Variants in COL4A6 observed in about 807,000 individuals in gnomAD.
The protein encoded by COL4A6 is collagen type IV alpha 6 chain.
In COL4A6, 59 loss-of-function variants were observed where a neutral mutation model predicts 126.7. That is an observed-to-expected ratio of 0.47 (90% CI 0.38 to 0.58). The LOEUF is 0.58. Among genes scored for constraint, COL4A6 ranks in the 20% least tolerant of loss-of-function variants. COL4A6 has a pLI of 0.00. For synonymous variants in COL4A6, 547 were observed against 496.6 expected (o/e 1.10, Z -1.35); for missense variants, 1,285 against 1,337.3 (o/e 0.96, Z 0.61).
intron 3 of COL4A6, among the ~76,000 whole-genome samples, chrX:108,260,973 T>C (rs2037144314): frequency 9.0e-6 from 1 of 110,896 alleles, no homozygotes; most frequent in African/African-American, 3.3e-5. Flanking sequence ...CTACAATATT[T>C]GACTGTATCC....
Position 108,289,909 on chromosome X carries a change from G to A in COL4A6, c.144+20839C>T, listed in dbSNP as rs56386745. On this transcript the variant is annotated intron_variant, in intron 3 of 44. Coordinates refer to ENST00000334504, the MANE Select transcript of COL4A6 (RefSeq NM_033641.4). Reference sequence around the variant, plus strand: ...GCACTGGTTTGCAGGAGCGAATCTCGTCAGTAGTTTGAAATCAGCCATGCT... The same window carrying A: ...GCACTGGTTTGCAGGAGCGAATCTCATCAGTAGTTTGAAATCAGCCATGCT... Among the ~76,000 whole-genome samples, 571 of 111,963 alleles carry A rather than the reference G, an allele frequency of 5.1e-3. 4 individuals carry two copies. The highest frequency in any genetic ancestry group is 0.016 in the South Asian group (43 of 2,632).
chrX:108,375,658 C>T (rs187175571), intron 2 of COL4A6, among the ~76,000 whole-genome samples: 6 of 109,810 alleles, frequency 5.5e-5, no homozygotes, highest in Admixed American at 4.9e-4. Flanking sequence ...CTCAACCATA[C>T]TCCAAACCCT....
chrX:108,273,604 G>T (rs2037517733), intron 3 of COL4A6, among the ~76,000 whole-genome samples: 1 of 112,312 alleles, frequency 8.9e-6, no homozygotes, highest in African/African-American at 3.2e-5. Flanking sequence ...ATGATAGACT[G>T]GATTAAGAAA....
chrX:108,375,678 CTTTTTTT>C (rs142100994), intron 2 of COL4A6, among the ~76,000 whole-genome samples: 1 of 95,293 alleles, frequency 1.0e-5, no homozygotes, highest in Non-Finnish European at 2.1e-5. Flanking sequence ...TAGGCTAAAT[CTTTTTTT>C]TTTTTTTTTT....
chrX:108,431,999 C>T lies in COL4A6; in HGVS notation c.63+5943G>A, dbSNP rs763961747. 2.7e-5 allele frequency among the ~76,000 whole-genome samples: 3 copies of T among 112,264 alleles called. No individual in the cohort carries two copies. The South Asian group carries it at 1.1e-3, about 42-fold the overall frequency. On this transcript the variant is annotated intron_variant, in intron 2 of 44. Coordinates refer to ENST00000334504, the MANE Select transcript of COL4A6 (RefSeq NM_033641.4). ...ATGAAGAGATGTCTTTTTGTACACCCGCATTTGTGAAAGATAAAATTTCTC... is the reference window on the plus strand; with the variant it reads ...ATGAAGAGATGTCTTTTTGTACACCTGCATTTGTGAAAGATAAAATTTCTC...
intron 2 of COL4A6, among the ~76,000 whole-genome samples, chrX:108,337,477 G>C (rs777880053): frequency 1.8e-5 from 2 of 112,972 alleles, no homozygotes; most frequent in Non-Finnish European, 3.8e-5. Flanking sequence ...TGTATTTTCA[G>C]TTTCTAACAA....
chrX:108,433,424 T>C (rs1186074329), intron 2 of COL4A6, among the ~76,000 whole-genome samples: 1 of 111,936 alleles, frequency 8.9e-6, no homozygotes, highest in Admixed American at 9.4e-5. Context: ...TATCCCACGA[T>C]GTTCTTTTTC....
intron 2 of COL4A6, among the ~76,000 whole-genome samples, chrX:108,414,915 C>A (rs1406093599): frequency 8.9e-6 from 1 of 112,113 alleles, no homozygotes; most frequent in African/African-American, 3.2e-5. Context: ...AGCTAGTCTA[C>A]ACTATAGTTA....
chrX:108,239,137 C>T (rs2036512062), intron 3 of COL4A6, among the ~76,000 whole-genome samples: 1 of 112,271 alleles, frequency 8.9e-6, no homozygotes. Flanking sequence ...AATACCTTCT[C>T]CCAGTCTATC....
chrX:108,312,143 G>A (rs749106222), intron 2 of COL4A6, among the ~76,000 whole-genome samples: 1 of 112,247 alleles, frequency 8.9e-6, no homozygotes, highest in African/African-American at 3.2e-5. Flanking sequence ...AATGTTGGAT[G>A]TTTTTTCCAA....
At chrX:108,203,625 A>G (rs1187251762) in intron 12 of COL4A6, among the ~76,000 whole-genome samples, 1 of 112,674 alleles carries the variant, frequency 8.9e-6, no homozygotes, top group Non-Finnish European at 1.9e-5. Flanking sequence ...GGCCATGGGA[A>G]CTGAATCACA....
intron 2 of COL4A6, among the ~76,000 whole-genome samples, chrX:108,425,452 G>A (rs1052517676): frequency 3.6e-5 from 4 of 110,306 alleles, no homozygotes; most frequent in African/African-American, 1.3e-4. Flanking sequence ...ATAGCTCTCA[G>A]GCCAGGCGTG....
chrX:108,343,163 A>AGTG (rs1417437971), intron 2 of COL4A6, among the ~76,000 whole-genome samples: 515 of 32,339 alleles, frequency 0.016, 1 homozygote, highest in African/African-American at 0.032. Flanking sequence ...ATATATATAT[A>AGTG]TAGTGTGTGT....
intron 2 of COL4A6, among the ~76,000 whole-genome samples, chrX:108,407,654 T>C (rs2041233145): frequency 8.9e-6 from 1 of 112,216 alleles, no homozygotes; most frequent in Non-Finnish European, 1.9e-5. Context: ...AATTATGTAC[T>C]ACAGGACCTA....
At chrX:108,261,221 A>G (rs1411588936) in intron 3 of COL4A6, among the ~76,000 whole-genome samples, 1 of 112,040 alleles carries the variant, frequency 8.9e-6, no homozygotes, top group Admixed American at 9.5e-5. Context: ...CAGCCACATT[A>G]GCCACATTTT....
chrX:108,371,574 TAAAAAA>T (rs35855359), intron 2 of COL4A6, among the ~76,000 whole-genome samples: 5 of 51,709 alleles, frequency 9.7e-5, no homozygotes, highest in Non-Finnish European at 2.0e-4. Flanking sequence ...TCTGTCTCTA[TAAAAAA>T]AAAAAAAAAA....
At chrX:108,424,155 A>T (rs1329787290) in intron 2 of COL4A6, among the ~76,000 whole-genome samples, 1 of 111,922 alleles carries the variant, frequency 8.9e-6, no homozygotes, top group African/African-American at 3.3e-5. Flanking sequence ...GCAGAAGTCC[A>T]GCCTGCTCAT....
chrX:108,368,575 A>G (rs751107171), intron 2 of COL4A6, among the ~76,000 whole-genome samples: 1 of 111,638 alleles, frequency 9.0e-6, no homozygotes, highest in East Asian at 2.8e-4. Context: ...TCTTTCTTCA[A>G]TAATAAGTTA....
chrX:108,242,052 C>A lies in COL4A6; in HGVS notation c.145-20678G>T, dbSNP rs1325630079. Among the ~76,000 whole-genome samples, 5 of 101,761 alleles carry A rather than the reference C, an allele frequency of 4.9e-5. No individual in the cohort carries two copies. In the East Asian group the frequency reaches 1.7e-3, roughly 34 times the overall value. The allele number at this position is 101,761 out of a possible 115,157, so 88.4% of individuals were successfully genotyped here. On this transcript the variant is annotated intron_variant, in intron 3 of 44. Coordinates refer to ENST00000334504, the MANE Select transcript of COL4A6 (RefSeq NM_033641.4). ...GTACATTGCCCAGGCTGGTCTCAAA[C>A]ACCTGGCCTCAAGTGATATTCCTGT...
Sources: allele counts gnomAD v4.1 joint callset (sites outside exome capture counted in the v4.1 genomes callset), GRCh38; gene constraint gnomAD v4.1.1; transcripts MANE v1.5; gene names NCBI Gene and HGNC (gene_info 2026-07-23, HGNC 2026-07-21).